The following KLRG1 variants were observed in gnomAD, a reference collection of about 807,000 sequenced individuals.
KLRG1 encodes the protein killer cell lectin like receptor G1.
A neutral mutation model predicts 21.8 loss-of-function variants in KLRG1; 16 were observed. That is an observed-to-expected ratio of 0.73 (90% CI 0.50 to 1.11). The LOEUF is 1.11. KLRG1 is among the 50% of genes most tolerant of loss of function. The pLI, the probability that KLRG1 is intolerant of heterozygous loss-of-function variation, is 0.00. For missense variants in KLRG1, 173 were observed against 218.3 expected, an observed-to-expected ratio of 0.79 and a Z score of 1.31; for synonymous variants, 69 against 75.9, an observed-to-expected ratio of 0.91 and a Z score of 0.47.
At chr12:9,103,863 G>T in the KLRG1 span, among the ~76,000 whole-genome samples, 1 of 152,174 alleles carries the variant, frequency 6.6e-6, no homozygotes, top group African/African-American at 2.4e-5. Context: ...GAATAGTGCG[G>T]CTATGAACAC....
chr12:9,070,503 C>T, the KLRG1 span: 1 of 1,613,500 alleles, frequency 6.2e-7, no homozygotes, highest in Non-Finnish European at 8.5e-7. Context: ...TCACTGTTGG[C>T]TTCAGGGGAA....
the KLRG1 span, chr12:9,158,599 G>T: frequency 6.2e-7 from 1 of 1,611,776 alleles, no homozygotes; most frequent in Non-Finnish European, 8.5e-7. Context: ...AAAATGCAGT[G>T]CTGAGGCTCT....
At chr12:9,104,457 A>C in the KLRG1 span, 9 of 1,507,554 alleles carry the variant, frequency 6.0e-6, no homozygotes, top group Non-Finnish European at 8.1e-6. Flanking sequence ...GGCACCAAAC[A>C]TATTCATTTA....
chr12:9,127,507 T>C, the KLRG1 span, among the ~76,000 whole-genome samples: 1 of 152,154 alleles, frequency 6.6e-6, no homozygotes, highest in Non-Finnish European at 1.5e-5. Flanking sequence ...CTTGAACCGT[T>C]CTCTGCCTCA....
the KLRG1 span, among the ~76,000 whole-genome samples, chr12:9,088,558 T>G: frequency 0.016 from 2,466 of 152,296 alleles, 78 homozygotes; most frequent in African/African-American, 0.057. Context: ...AAAAACATAC[T>G]AAATTTGTAG....
chr12:9,024,019 T>TTA, the KLRG1 span, among the ~76,000 whole-genome samples: 1 of 17,526 alleles, frequency 5.7e-5, no homozygotes, highest in Non-Finnish European at 1.2e-4. Flanking sequence ...AACACATGGA[T>TTA]TTTTTTTTTT....
At chr12:9,107,809 A>G in the KLRG1 span, among the ~76,000 whole-genome samples, 4 of 152,212 alleles carry the variant, frequency 2.6e-5, no homozygotes, top group Non-Finnish European at 2.9e-5. Flanking sequence ...AATGGCTCTT[A>G]TAGAAATCTC....
At chr12:9,169,707 T>C in the KLRG1 span, 2 of 986,186 alleles carry the variant, frequency 2.0e-6, no homozygotes, top group South Asian at 4.9e-5. Flanking sequence ...GTTCATGTAG[T>C]TGGTACCTTA....
chr12:9,207,944 A>G, the KLRG1 span, among the ~76,000 whole-genome samples: 2 of 152,192 alleles, frequency 1.3e-5, no homozygotes, highest in African/African-American at 4.8e-5. Context: ...ACTTCACTAT[A>G]TATTTCGAAT....
At chr12:9,079,773 A>G in the KLRG1 span, 1 of 1,612,692 alleles carries the variant, frequency 6.2e-7, no homozygotes, top group Non-Finnish European at 8.5e-7. Context: ...GGGCATCTGG[A>G]GAAGATTTTG....
chr12:9,052,969 G>A, the KLRG1 span: 1 of 364,702 alleles, frequency 2.7e-6, no homozygotes, highest in African/African-American at 2.2e-5. Flanking sequence ...ACTTGTTCCT[G>A]TACAGCAGGT....
chr12:9,173,626 A>G, the KLRG1 span, among the ~76,000 whole-genome samples: 4 of 152,176 alleles, frequency 2.6e-5, no homozygotes, highest in Non-Finnish European at 5.9e-5. Context: ...AGTAGACACA[A>G]TCAGAAATGA....
intron 1 of KLRG1, among the ~76,000 whole-genome samples, chr12:8,962,468 C>T (rs1473666605): frequency 6.6e-6 from 1 of 151,872 alleles, no homozygotes; most frequent in South Asian, 2.1e-4. Flanking sequence ...AATCCCAGAA[C>T]TTTGGGAGGC....
chr12:9,151,432 A>G, the KLRG1 span, among the ~76,000 whole-genome samples: 3,506 of 152,302 alleles, frequency 0.023, 138 homozygotes, highest in African/African-American at 0.079. Context: ...ATAGAACAGA[A>G]CACTACATGG....
the KLRG1 span, chr12:9,027,620 A>G: frequency 1.1e-6 from 1 of 870,814 alleles, no homozygotes; most frequent in South Asian, 1.3e-5. Flanking sequence ...GGCCTCCACC[A>G]CCACAGGGGC....
the KLRG1 span, among the ~76,000 whole-genome samples, chr12:9,030,039 C>A: frequency 3.3e-5 from 5 of 152,216 alleles, no homozygotes; most frequent in African/African-American, 1.2e-4. Context: ...CAGGTGTGAG[C>A]CACTGTGCCC....
rs749018624 is a variant in KLRG1 at position 8,965,271 on chromosome 12, G to T, written c.-156+15035G>T. The stretch of plus-strand genomic sequence containing the variant: ...AACTGGAAGCATTCCCTTTGAAAAT[G>T]GGCACAAGACAGGGATGCCCTCTCT... On this transcript the variant is annotated intron_variant, in intron 1 of 4. Transcript: ENST00000539240. Among the ~76,000 whole-genome samples the T allele has an allele frequency of 4.9e-3, 740 of 152,184 alleles. 10 individuals carry two copies. The highest frequency in any genetic ancestry group is 0.016 in the African/African-American group (679 of 41,508).
At chr12:9,015,930 TAAG>T in the KLRG1 span, among the ~76,000 whole-genome samples, 3 of 151,932 alleles carry the variant, frequency 2.0e-5, no homozygotes, top group Admixed American at 1.3e-4. Context: ...ATGAAGAAAT[TAAG>T]AAGGAAGTTA....
At chr12:9,071,877 GTTT>G in the KLRG1 span, among the ~76,000 whole-genome samples, 1 of 152,136 alleles carries the variant, frequency 6.6e-6, no homozygotes, top group African/African-American at 2.4e-5. Context: ...TGGAGAGAGA[GTTT>G]TTTATCAGAT....
Sources: gnomAD v4.1 joint callset for allele counts (sites outside exome capture counted in the v4.1 genomes callset) on GRCh38, gnomAD v4.1.1 for gene constraint, MANE v1.5 for transcripts, NCBI Gene and HGNC (gene_info 2026-07-23, HGNC 2026-07-21) for gene names.